KANK4: variants seen among roughly 807,000 people sequenced by gnomAD.
KANK4 encodes the protein KN motif and ankyrin repeat domains 4, also known as KN motif and ankyrin repeat domain-containing protein 4.
Under a neutral mutation model 80.8 loss-of-function variants are expected in KANK4, and 50 were observed. The ratio of observed to expected loss-of-function variants is 0.62; its 90% CI spans 0.49 to 0.78. The LOEUF is 0.78. Among genes scored for constraint, KANK4 ranks in the 30% least tolerant of loss-of-function variants. The pLI is 0.00. For synonymous variants in KANK4, 465 were observed against 506.9 expected (o/e 0.92, Z 1.11); for missense variants, 1,196 against 1,240.1 (o/e 0.96, Z 0.53).
chr1:62,255,343 C>T (rs999002074), intron 7 of KANK4, among the ~76,000 whole-genome samples: 27 of 152,206 alleles, frequency 1.8e-4, no homozygotes, highest in African/African-American at 6.5e-4. Context: ...GACCCCACCT[C>T]TCAAGGGTGA....
chr1:62,242,762 C>T (rs1671374819), intron 9 of KANK4, among the ~76,000 whole-genome samples: 1 of 152,186 alleles, frequency 6.6e-6, no homozygotes, highest in African/African-American at 2.4e-5. Flanking sequence ...CCCAAATGAG[C>T]TCTGCTGCTA....
At chr1:62,275,746 C>T (rs1216946429) in intron 2 of KANK4, among the ~76,000 whole-genome samples, 2 of 149,492 alleles carry the variant, frequency 1.3e-5, no homozygotes, top group Admixed American at 6.7e-5. Flanking sequence ...TAGTGCTTAA[C>T]AAACACGAAA....
chr1:62,263,195 G>T lies in KANK4; in HGVS notation c.2436C>A (p.Phe812Leu), dbSNP rs762209550. 6.2e-7 allele frequency: 1 copy of T among 1,614,022 alleles called. No individual in the cohort carries two copies. The highest frequency in any genetic ancestry group is 1.1e-5 in the South Asian group (1 of 91,058). ...CGGCCAAGTTGACAAGCAGTTTCAGGAAGTGTGGGGAGTGAGGCTGGACCT... is the reference window on the plus strand; with the variant it reads ...CGGCCAAGTTGACAAGCAGTTTCAGTAAGTGTGGGGAGTGAGGCTGGACCT... ...LHEVQPHSPH[F>L]LKLLVNLADH... Residue 812 changes from phenylalanine (F) to leucine (L), a missense_variant, in exon 7 of 10, where the codon TTC becomes TTA. Phe to Leu is a conservative substitution (Grantham distance 22). This residue lies in a region of KANK4 where 1,154 missense variants were observed against 1,179.6 expected (regional missense o/e 0.98). Coordinates refer to ENST00000371153, the MANE Select transcript of KANK4 (RefSeq NM_181712.5).
At chr1:62,306,697 T>C (rs1463938947) in intron 1 of KANK4, among the ~76,000 whole-genome samples, 1 of 152,166 alleles carries the variant, frequency 6.6e-6, no homozygotes, top group African/African-American at 2.4e-5. Context: ...ACTGGTATGA[T>C]ATTTATAATA....
At chr1:62,292,678 C>T (rs1356869526) in intron 1 of KANK4, among the ~76,000 whole-genome samples, 1 of 152,098 alleles carries the variant, frequency 6.6e-6, no homozygotes, top group East Asian at 1.9e-4. Context: ...GGAGGTGAAC[C>T]CTGAAAGGCT....
At chr1:62,242,019 G>A (rs1055411950) in intron 9 of KANK4, among the ~76,000 whole-genome samples, 1 of 152,166 alleles carries the variant, frequency 6.6e-6, no homozygotes, top group South Asian at 2.1e-4. Flanking sequence ...GCGAGGGTTA[G>A]TGTTCCTCAG....
At chr1:62,313,112 ATTG>A (rs1382758109) in intron 1 of KANK4, among the ~76,000 whole-genome samples, 2 of 152,178 alleles carry the variant, frequency 1.3e-5, no homozygotes, top group African/African-American at 4.8e-5. Flanking sequence ...TTACAGTATT[ATTG>A]TTATAATTGT....
chr1:62,275,944 GAAGA>G (rs1043565146), intron 2 of KANK4, among the ~76,000 whole-genome samples: 2 of 150,836 alleles, frequency 1.3e-5, no homozygotes, highest in Admixed American at 6.7e-5. Context: ...GGGAAGGAAG[GAAGA>G]GAGAAAGAAA....
intron 1 of KANK4, among the ~76,000 whole-genome samples, chr1:62,312,165 ATTC>A (rs1047242148): frequency 2.0e-5 from 3 of 152,234 alleles, no homozygotes; most frequent in Non-Finnish European, 2.9e-5. Context: ...ATAGTAATAT[ATTC>A]TTCTTTATTA....
intron 1 of KANK4, among the ~76,000 whole-genome samples, chr1:62,310,383 C>T (rs1644488401): frequency 1.3e-5 from 2 of 151,848 alleles, no homozygotes; most frequent in Non-Finnish European, 2.9e-5. Context: ...AGGTAGGATG[C>T]AGGGAGGACT....
intron 5 of KANK4, among the ~76,000 whole-genome samples, chr1:62,267,312 G>GTCCA (rs1303953634): frequency 1.7e-5 from 1 of 59,516 alleles, no homozygotes; most frequent in Non-Finnish European, 3.0e-5. Flanking sequence ...ACTCGTTGAA[G>GTCCA]CTGGGTGTCC....
rs1315642755 is a variant in KANK4, at chr1:62,256,172, C to T, written c.2540-2963G>A. On this transcript the variant is annotated intron_variant, in intron 7 of 9. Coordinates refer to ENST00000371153, the MANE Select transcript of KANK4 (RefSeq NM_181712.5). ...CCAGGGAAGCCAAAGATTGGATACC[C>T]CTGACTTAGAATCATGCCTAGTACA... 2.0e-5 allele frequency among the ~76,000 whole-genome samples: 3 copies of T among 152,160 alleles called. No individual in the cohort carries two copies. The East Asian group carries it at 5.8e-4, about 29-fold the overall frequency.
intron 4 of KANK4, among the ~76,000 whole-genome samples, chr1:62,268,712 G>A (rs1367746779): frequency 6.6e-6 from 1 of 152,182 alleles, no homozygotes. Flanking sequence ...CTGGTGCAGA[G>A]AGGCTATTTG....
intron 9 of KANK4, among the ~76,000 whole-genome samples, chr1:62,240,009 T>C (rs979002542): frequency 4.6e-5 from 7 of 152,222 alleles, no homozygotes; most frequent in African/African-American, 1.4e-4. Context: ...GCATGATTTA[T>C]AGTCCTTTGG....
rs745691825 is a variant in KANK4, at chr1:62,273,792, C to G, written c.1312G>C (p.Gly438Arg). Reference protein sequence around the residue: ...CDKGIEVNLLGSMESESWGHR... With the variant: ...CDKGIEVNLLRSMESESWGHR... ...CCCCAGCTTTCAGACTCCATGCTGC[C>G]TAGAAGGTTGACTTCAATGCCCTTA... The change falls in exon 3 of 10, where the codon GGC becomes CGC. Residue 438 changes from glycine to arginine, a missense_variant. Gly to Arg is a moderately radical substitution (Grantham distance 125). Around this residue, in one of 3 missense-constraint regions of KANK4, gnomAD observed 1,154 missense variants for 1,179.6 expected, o/e 0.98. Coordinates refer to ENST00000371153, the MANE Select transcript of KANK4 (RefSeq NM_181712.5). 1.2e-6 allele frequency: 2 copies of G among 1,614,006 alleles called. No homozygotes were observed. The highest frequency in any genetic ancestry group is 2.2e-5 in the East Asian group (1 of 44,882).
chr1:62,297,535 C>A (rs1208377883), intron 1 of KANK4, among the ~76,000 whole-genome samples: 1 of 152,096 alleles, frequency 6.6e-6, no homozygotes, highest in Non-Finnish European at 1.5e-5. Flanking sequence ...ATCTATGAAG[C>A]AAGTAGCTTT....
At chr1:62,313,795 A>G (rs1644517179) in intron 1 of KANK4, among the ~76,000 whole-genome samples, 1 of 152,130 alleles carries the variant, frequency 6.6e-6, no homozygotes, top group East Asian at 1.9e-4. Flanking sequence ...GCAGCAAACC[A>G]CCATGGCACA....
chr1:62,247,427 AC>A (rs1042262253), intron 9 of KANK4, 44 bp downstream of exon 9: 4 of 1,579,272 alleles, frequency 2.5e-6, no homozygotes, highest in Non-Finnish European at 3.5e-6. Flanking sequence ...GGTATGAGCC[AC>A]CCTGCCCAGC....
chr1:62,247,597 C>T lies in KANK4; in HGVS notation c.2758G>A (p.Ala920Thr), dbSNP rs370309792. The T allele has an allele frequency of 2.5e-6, 4 of 1,613,968 alleles. No homozygotes were observed. The highest frequency in any genetic ancestry group is 1.6e-4 in the Middle Eastern group (1 of 6,078). ...TCGTGGTCCTGCAGATTGACATCTG[C>T]CTGGCAGCTAAGCAGCGCTTGAACC... ...DMVQALLSCQ[A>T]DVNLQDHDGS... is the part of the protein sequence containing the mutation. The change falls in exon 9 of 10, where the codon GCA (alanine) becomes ACA (threonine). Residue 920 changes from alanine to threonine, a missense_variant. By Grantham distance (58) the Ala-to-Thr change is moderately conservative. This residue lies in a region of KANK4 where 1,154 missense variants were observed against 1,179.6 expected (regional missense o/e 0.98). Transcript: ENST00000371153.
Sources: gnomAD v4.1 joint callset for allele counts (sites outside exome capture counted in the v4.1 genomes callset) on GRCh38, gnomAD v4.1.1 for gene constraint, gnomAD v4.1.1 regional missense constraint, MANE v1.5 for transcripts, NCBI Gene and HGNC (gene_info 2026-07-23, HGNC 2026-07-21) for gene names.